The following HIVEP1 variants were observed in gnomAD, a reference collection of about 807,000 sequenced individuals.
HIVEP1 encodes HIVEP zinc finger 1, also known as zinc finger protein 40.
HIVEP1 carries 36 observed loss-of-function variants against 180.0 expected under a neutral mutation model. That is an observed-to-expected ratio of 0.20 (90% confidence interval 0.15 to 0.26). The LOEUF (loss-of-function observed/expected upper bound fraction) is 0.26. Among genes scored for constraint, HIVEP1 ranks in the 10% least tolerant of loss-of-function variants. HIVEP1 has a pLI of 1.00. For missense variants in HIVEP1, 3,143 were observed against 3,268.7 expected (o/e 0.96, Z 0.94); for synonymous variants, 1,239 against 1,239.0 (o/e 1.00, Z 0.00).
the HIVEP1 span, among the ~76,000 whole-genome samples, chr6:12,199,071 T>C: frequency 6.6e-6 from 1 of 152,134 alleles, no homozygotes; most frequent in Admixed American, 6.5e-5. Context: ...GTGCCAGGAG[T>C]CCAAAGATGA....
intron 2 of HIVEP1, among the ~76,000 whole-genome samples, chr6:12,035,421 G>C (rs72826027): frequency 0.042 from 6,407 of 152,274 alleles, 181 homozygotes; most frequent in Middle Eastern, 0.16. Context: ...GAATAGTTCA[G>C]AGTGGTGGAG....
At chr6:12,041,263 T>A (rs964819513) in intron 2 of HIVEP1, among the ~76,000 whole-genome samples, 11 of 151,642 alleles carry the variant, frequency 7.3e-5, no homozygotes, top group African/African-American at 2.7e-4. Flanking sequence ...CTACTAAAAA[T>A]TCAAAAACAC....
At chr6:12,210,182 T>C in the HIVEP1 span, among the ~76,000 whole-genome samples, 1 of 152,010 alleles carries the variant, frequency 6.6e-6, no homozygotes, top group South Asian at 2.1e-4. Context: ...CCTTACCCTG[T>C]GGGAGGCACA....
intron 2 of HIVEP1, among the ~76,000 whole-genome samples, chr6:12,075,318 A>G (rs1772279033): frequency 6.6e-6 from 1 of 152,238 alleles, no homozygotes; most frequent in South Asian, 2.1e-4. Flanking sequence ...TTGGATGTCT[A>G]GAAATTGTTT....
At chr6:12,158,204 T>C (rs1410712036) in intron 7 of HIVEP1, among the ~76,000 whole-genome samples, 2 of 152,202 alleles carry the variant, frequency 1.3e-5, no homozygotes, top group Admixed American at 6.5e-5. Flanking sequence ...TGTAAGACAG[T>C]AGAGACCCAT....
chr6:12,086,362 G>A (rs1773124013), intron 2 of HIVEP1, among the ~76,000 whole-genome samples: 3 of 152,108 alleles, frequency 2.0e-5, no homozygotes, highest in South Asian at 2.1e-4. Flanking sequence ...ATTTACTGAC[G>A]TGGTATGAGT....
chr6:12,056,608 T>A (rs1770891880), intron 2 of HIVEP1, among the ~76,000 whole-genome samples: 1 of 152,208 alleles, frequency 6.6e-6, no homozygotes, highest in South Asian at 2.1e-4. Context: ...TGATTTTGTT[T>A]CTTTACAATT....
At chr6:12,151,735 T>G (rs1235655783) in intron 7 of HIVEP1, among the ~76,000 whole-genome samples, 1 of 152,174 alleles carries the variant, frequency 6.6e-6, no homozygotes, top group Non-Finnish European at 1.5e-5. Flanking sequence ...TTCTCTGTCA[T>G]GAATACTAAA....
At chr6:12,094,810 A>C (rs1411280301) in intron 3 of HIVEP1, among the ~76,000 whole-genome samples, 1 of 151,990 alleles carries the variant, frequency 6.6e-6, no homozygotes, top group Non-Finnish European at 1.5e-5. Flanking sequence ...GGATGATCTG[A>C]GGACTATATG....
intron 7 of HIVEP1, among the ~76,000 whole-genome samples, chr6:12,147,068 A>AG (rs1392410972): frequency 1.2e-4 from 18 of 152,186 alleles, no homozygotes; most frequent in African/African-American, 4.3e-4. Context: ...AGGTTGGGGA[A>AG]GAGGAATAGG....
chr6:12,079,933 C>CATCTATCTATCTATCTATCT (rs60204350), intron 2 of HIVEP1, among the ~76,000 whole-genome samples: 3 of 149,252 alleles, frequency 2.0e-5, no homozygotes, highest in East Asian at 2.0e-4. Context: ...TTCCTGATGG[C>CATCTATCTATCTATCTATCT]ATCTATCTAT....
intron 2 of HIVEP1, among the ~76,000 whole-genome samples, chr6:12,027,056 A>G (rs1457655912): frequency 6.6e-6 from 1 of 152,210 alleles, no homozygotes; most frequent in African/African-American, 2.4e-5. Context: ...CATACTGACC[A>G]TGGCTTCTTT....
rs201711386 is a variant in HIVEP1 at position 12,123,024 on chromosome 6, A to G, written c.3229A>G (p.Ile1077Val). The change falls in exon 4 of 9, where the codon ATA becomes GTA. Residue 1077 changes from isoleucine to valine, a missense_variant. By Grantham distance (29) the Ile-to-Val change is conservative. Around this residue, in one of 12 missense-constraint regions of HIVEP1, gnomAD observed 1,357 missense variants for 1,260.5 expected, o/e 1.08. Coordinates refer to ENST00000379388, the MANE Select transcript of HIVEP1 (RefSeq NM_002114.4). ...NPSLPKHNVTIRSDQQHKNIQ... is the reference protein window; with the variant it reads ...NPSLPKHNVTVRSDQQHKNIQ... The stretch of plus-strand genomic sequence containing the variant: ...CAGTTTGCCTAAACATAATGTTACC[A>G]TAAGAAGTGACCAGCAGCATAAAAA... 5.6e-5 allele frequency: 90 copies of G among 1,614,100 alleles called. No homozygotes were observed. The highest frequency in any genetic ancestry group is 6.1e-5 in the Non-Finnish European group (72 of 1,180,048).
chr6:12,009,420 C>T (rs138175882), upstream of HIVEP1, among the ~76,000 whole-genome samples: 9 of 152,360 alleles, frequency 5.9e-5, no homozygotes, highest in East Asian at 1.7e-3. Context: ...GAAGCGTTCA[C>T]GCGGACGGTG....
intron 7 of HIVEP1, among the ~76,000 whole-genome samples, chr6:12,153,239 A>G (rs540682170): frequency 6.6e-6 from 1 of 152,224 alleles, no homozygotes; most frequent in Non-Finnish European, 1.5e-5. Flanking sequence ...CTTATTGACT[A>G]TAATTCATTG....
At chr6:12,136,234 C>T (rs1281433921) in intron 7 of HIVEP1, among the ~76,000 whole-genome samples, 1 of 151,984 alleles carries the variant, frequency 6.6e-6, no homozygotes. Context: ...ACTTCTCTAC[C>T]CTTCTCATTT....
chr6:12,057,869 T>C (rs1770977670), intron 2 of HIVEP1, among the ~76,000 whole-genome samples: 1 of 152,198 alleles, frequency 6.6e-6, no homozygotes, highest in South Asian at 2.1e-4. Flanking sequence ...ATGTGAAGAA[T>C]AGTGTGCATC....
chr6:12,165,172 T>G (rs758801649), downstream of HIVEP1: 1 of 499,430 alleles, frequency 2.0e-6, no homozygotes, highest in Non-Finnish European at 4.0e-6. Context: ...TCCATACAAC[T>G]GATTGACCTA....
intron 2 of HIVEP1, among the ~76,000 whole-genome samples, chr6:12,044,216 G>GCT (rs1769965933): frequency 6.6e-6 from 1 of 151,928 alleles, no homozygotes. Context: ...ATAGAACGCT[G>GCT]TTTTAATCAA....
Sources: allele counts gnomAD v4.1 joint callset (sites outside exome capture counted in the v4.1 genomes callset), GRCh38; gene constraint gnomAD v4.1.1; regional missense constraint gnomAD v4.1.1; transcripts MANE v1.5; gene names NCBI Gene and HGNC (gene_info 2026-07-23, HGNC 2026-07-21).